The following CADPS variants were observed in gnomAD, a reference collection of about 807,000 sequenced individuals.
CADPS encodes calcium-dependent secretion activator 1.
In CADPS, 57 loss-of-function variants were observed where a neutral mutation model predicts 167.3. The ratio of observed to expected loss-of-function variants is 0.34; its 90% CI spans 0.28 to 0.42. The LOEUF is 0.42. CADPS is among the 20% of genes least tolerant of loss of function. The probability of loss-of-function intolerance (pLI) is 1.00; values close to 1 mark genes in which losing one functional copy is unlikely to be tolerated. For synonymous variants in CADPS, 676 were observed against 635.3 expected (o/e 1.06, Z -0.96); for missense variants, 1,414 against 1,738.1 (o/e 0.81, Z 3.32).
chr3:62,677,121 T>C (rs1465341252), intron 3 of CADPS, among the ~76,000 whole-genome samples: 1 of 152,146 alleles, frequency 6.6e-6, no homozygotes, highest in East Asian at 1.9e-4. Context: ...GAGTGATTAA[T>C]TTCATGGCAA....
Position 62,551,102 on chromosome 3 carries a change from T to C in CADPS, c.1754-987A>G, listed in dbSNP as rs2077252571. Among the ~76,000 whole-genome samples the C allele has an allele frequency of 1.3e-5, 2 of 152,094 alleles. 1 individual carries two copies. Among genetic ancestry groups the C allele is most frequent in the South Asian group, 4.2e-4 (2 of 4,812 alleles). On this transcript the variant is annotated intron_variant, in intron 10 of 29. Coordinates refer to ENST00000383710, the MANE Select transcript of CADPS (RefSeq NM_003716.4). ...AGTATGCTGATGGCCTTCACACTTC[T>C]CTCTCCAACCTGGACCTCTCCCCTG...
chr3:62,636,397 T>C (rs976549947), intron 6 of CADPS, among the ~76,000 whole-genome samples: 2 of 152,214 alleles, frequency 1.3e-5, no homozygotes, highest in African/African-American at 4.8e-5. Context: ...CTGAAATAGC[T>C]GCCTCATCCC....
chr3:62,627,098 G>A (rs1385975690), intron 6 of CADPS, among the ~76,000 whole-genome samples: 1 of 151,470 alleles, frequency 6.6e-6, no homozygotes, highest in Non-Finnish European at 1.5e-5. Flanking sequence ...TAACTCCTCT[G>A]AATCATTTCC....
intron 6 of CADPS, among the ~76,000 whole-genome samples, chr3:62,620,735 A>C (rs941020248): frequency 1.3e-5 from 2 of 152,150 alleles, no homozygotes; most frequent in African/African-American, 4.8e-5. Flanking sequence ...TGGAACTGGC[A>C]TTCAGCAAAT....
intron 3 of CADPS, among the ~76,000 whole-genome samples, chr3:62,732,291 T>A (rs1290427808): frequency 6.6e-6 from 1 of 152,172 alleles, no homozygotes. Context: ...GCAAACAGAC[T>A]CTCTCTTGCT....
intron 13 of CADPS, among the ~76,000 whole-genome samples, chr3:62,522,931 T>C (rs969884501): frequency 6.6e-6 from 1 of 152,258 alleles, no homozygotes; most frequent in Non-Finnish European, 1.5e-5. Context: ...GAAATGAGTC[T>C]CTCCAGCCAC....
At position 62,444,187 on chromosome 3, in the gene CADPS, C is replaced by T. The variant is rs563818768; in HGVS notation, c.3669+1578G>A. Reference sequence around the variant, plus strand: ...CCTACAGAGAATAGACCACAGCTACCAAATCTTTGGGTCGAAAGCCGAGAA... The same window carrying T: ...CCTACAGAGAATAGACCACAGCTACTAAATCTTTGGGTCGAAAGCCGAGAA... On this transcript the variant is annotated intron_variant, in intron 27 of 29. Transcript: ENST00000383710. Among the ~76,000 whole-genome samples the T allele has an allele frequency of 4.6e-5, 7 of 152,256 alleles. No individual in the cohort carries two copies. In the South Asian group the frequency reaches 1.5e-3, roughly 32 times the overall value.
Position 62,733,674 on chromosome 3 carries a change from G to A in CADPS, c.888+19767C>T, listed in dbSNP as rs182683631. 9.3e-4 allele frequency among the ~76,000 whole-genome samples: 139 copies of A among 150,066 alleles called. 1 individual carries two copies. The highest frequency in any genetic ancestry group is 6.8e-3 in the Middle Eastern group (2 of 292). ...TTTTGTTTATGAGGCATACATATGA[G>A]GCAAAATTTTTTTAATTTTTACATT... On this transcript the variant is annotated intron_variant, in intron 3 of 29. Coordinates refer to ENST00000383710, the MANE Select transcript of CADPS (RefSeq NM_003716.4).
intron 28 of CADPS, among the ~76,000 whole-genome samples, chr3:62,425,075 G>T (rs2149486756): frequency 6.6e-6 from 1 of 152,250 alleles, no homozygotes; most frequent in South Asian, 2.1e-4. Context: ...GTCTTAAAAT[G>T]AAAATAATAC....
chr3:62,481,016 C>T (rs1347581999), intron 22 of CADPS, among the ~76,000 whole-genome samples: 1 of 152,052 alleles, frequency 6.6e-6, no homozygotes, highest in Non-Finnish European at 1.5e-5. Flanking sequence ...AAAGCATAGC[C>T]CTATATTCAG....
intron 28 of CADPS, among the ~76,000 whole-genome samples, chr3:62,437,274 C>T (rs1233265674): frequency 1.3e-5 from 2 of 151,186 alleles, no homozygotes; most frequent in Non-Finnish European, 2.9e-5. Flanking sequence ...AAATATCTGG[C>T]TAAATTAGGT....
chr3:62,426,977 A>G (rs1401218747), intron 28 of CADPS, among the ~76,000 whole-genome samples: 1 of 151,468 alleles, frequency 6.6e-6, no homozygotes, highest in Non-Finnish European at 1.5e-5. Context: ...AGGGAGGCTG[A>G]GGCAGGAGAA....
intron 11 of CADPS, among the ~76,000 whole-genome samples, chr3:62,548,615 A>C: frequency 6.6e-6 from 1 of 152,246 alleles, no homozygotes; most frequent in Middle Eastern, 3.2e-3. Context: ...CTGAAATACA[A>C]GTTTACCTCT....
At chr3:62,783,034 A>G (rs1275033220) in intron 1 of CADPS, among the ~76,000 whole-genome samples, 1 of 152,196 alleles carries the variant, frequency 6.6e-6, no homozygotes, top group East Asian at 1.9e-4. Flanking sequence ...TGCTGGGATT[A>G]CAGGCGTGAG....
rs184422136 is a variant in CADPS at position 62,609,904 on chromosome 3, A to G, written c.1326-17156T>C. ...CAGGAGTTAAGAGAACAGCCTGGGC[A>G]TGGTGAAATCCAATCTCTACAAAAA... On this transcript the variant is annotated intron_variant, in intron 6 of 29. Transcript: ENST00000383710. Among the ~76,000 whole-genome samples the G allele has an allele frequency of 5.2e-3, 785 of 152,200 alleles. 5 individuals carry two copies. The highest frequency in any genetic ancestry group is 6.2e-3 in the South Asian group (30 of 4,824).
intron 1 of CADPS, among the ~76,000 whole-genome samples, chr3:62,832,135 A>G (rs1281246035): frequency 6.6e-6 from 1 of 152,210 alleles, no homozygotes; most frequent in Non-Finnish European, 1.5e-5. Context: ...AACAGAACCA[A>G]CACAGGAGGG....
chr3:62,819,407 C>CGTGT (rs3047244), intron 1 of CADPS, among the ~76,000 whole-genome samples: 17,340 of 143,960 alleles, frequency 0.12, 1,340 homozygotes, highest in East Asian at 0.4. Flanking sequence ...AATCTGTGTG[C>CGTGT]GTGTGTGTGT....
chr3:62,734,310 G>A (rs1346604640), intron 3 of CADPS, among the ~76,000 whole-genome samples: 1 of 152,096 alleles, frequency 6.6e-6, no homozygotes, highest in Non-Finnish European at 1.5e-5. Context: ...TGGCTCCTGA[G>A]TAGTAGATAT....
At chr3:62,425,463 C>T (rs936944732) in intron 28 of CADPS, among the ~76,000 whole-genome samples, 9 of 152,156 alleles carry the variant, frequency 5.9e-5, no homozygotes, top group Non-Finnish European at 7.4e-5. Flanking sequence ...ATTTTAAAAA[C>T]AGATGTCTAA....
Sources: allele counts gnomAD v4.1 joint callset (sites outside exome capture counted in the v4.1 genomes callset), GRCh38; gene constraint gnomAD v4.1.1; transcripts MANE v1.5; gene names NCBI Gene and HGNC (gene_info 2026-07-23, HGNC 2026-07-21).